Variants in CMTM8 observed in about 807,000 individuals in gnomAD.
CMTM8 encodes the protein CKLF like MARVEL transmembrane domain containing 8.
CMTM8 carries 12 observed loss-of-function variants against 18.6 expected under a neutral mutation model. That is an observed-to-expected ratio of 0.65 (90% CI 0.41 to 1.05). The LOEUF is 1.05. Among genes scored for constraint, CMTM8 ranks in the 50% least tolerant of loss-of-function variants. The pLI is 0.00. For synonymous variants in CMTM8, 87 were observed against 90.6 expected (o/e 0.96, Z 0.23); for missense variants, 217 against 227.2 (o/e 0.95, Z 0.29).
chr3:32,247,049 C>T (rs901473360), intron 1 of CMTM8, among the ~76,000 whole-genome samples: 1 of 151,876 alleles, frequency 6.6e-6, no homozygotes, highest in Non-Finnish European at 1.5e-5. Flanking sequence ...TGCAGTGAGC[C>T]GAGATTGCAC....
intron 1 of CMTM8, among the ~76,000 whole-genome samples, chr3:32,283,411 A>C (rs1210527923): frequency 6.6e-6 from 1 of 152,186 alleles, no homozygotes; most frequent in Non-Finnish European, 1.5e-5. Flanking sequence ...AGCGCTTGCT[A>C]TCTGGCTTCT....
intron 1 of CMTM8, among the ~76,000 whole-genome samples, chr3:32,281,637 TC>T (rs1702612371): frequency 6.6e-6 from 1 of 152,106 alleles, no homozygotes; most frequent in South Asian, 2.1e-4. Flanking sequence ...GAATGAGTTG[TC>T]TTTATTTCCT....
chr3:32,261,330 C>T (rs1021186422), intron 1 of CMTM8, among the ~76,000 whole-genome samples: 1 of 151,922 alleles, frequency 6.6e-6, no homozygotes, highest in Non-Finnish European at 1.5e-5. Flanking sequence ...TAAATAGCAC[C>T]TTTCTATGTT....
intron 1 of CMTM8, among the ~76,000 whole-genome samples, chr3:32,281,769 A>G (rs1228124427): frequency 2.0e-5 from 3 of 152,166 alleles, no homozygotes; most frequent in Non-Finnish European, 2.9e-5. Flanking sequence ...CAAATGGTCA[A>G]CTTTCAGTGC....
At chr3:32,298,798 A>AATATAT (rs139764907) in intron 1 of CMTM8, among the ~76,000 whole-genome samples, 3,792 of 136,154 alleles carry the variant, frequency 0.028, 84 homozygotes, top group Middle Eastern at 0.072. Context: ...ACACCCAGCT[A>AATATAT]ATATATATAT....
At chr3:32,331,697 A>T (rs938028423) in intron 1 of CMTM8, among the ~76,000 whole-genome samples, 12 of 152,256 alleles carry the variant, frequency 7.9e-5, no homozygotes, top group African/African-American at 1.9e-4. Context: ...ATGGAGAATT[A>T]TTCAGCCTAA....
At chr3:32,254,013 C>G (rs1365762009) in intron 1 of CMTM8, among the ~76,000 whole-genome samples, 1 of 152,176 alleles carries the variant, frequency 6.6e-6, no homozygotes, top group Non-Finnish European at 1.5e-5. Flanking sequence ...CCTGCCTCAG[C>G]CTCCCAAGTA....
At chr3:32,339,279 C>T (rs184730652) in intron 1 of CMTM8, among the ~76,000 whole-genome samples, 3 of 152,286 alleles carry the variant, frequency 2.0e-5, no homozygotes, top group East Asian at 1.9e-4. Flanking sequence ...GATCGTAGAA[C>T]GTGAGACTAA....
chr3:32,281,690 A>G (rs953959135), intron 1 of CMTM8, among the ~76,000 whole-genome samples: 1 of 151,984 alleles, frequency 6.6e-6, no homozygotes, highest in Non-Finnish European at 1.5e-5. Flanking sequence ...ACCCTCTCCA[A>G]TCAGCCTTGT....
rs542092550 is a variant in CMTM8, at chr3:32,328,147, C to T, written c.148-29226C>T. On this transcript the variant is annotated intron_variant, in intron 1 of 3. Transcript: ENST00000307526. The stretch of plus-strand genomic sequence containing the variant: ...CCCAGCACTTTGGGAGCCCAAGGCA[C>T]GTGGATCACTTGAGGCAGGGTTTGC... 5.9e-5 allele frequency among the ~76,000 whole-genome samples: 9 copies of T among 152,136 alleles called. No individual in the cohort carries two copies. In the East Asian group the frequency reaches 1.2e-3, roughly 20 times the overall value.
chr3:32,314,617 T>C (rs979643301), intron 1 of CMTM8, among the ~76,000 whole-genome samples: 1 of 152,028 alleles, frequency 6.6e-6, no homozygotes, highest in Non-Finnish European at 1.5e-5. Context: ...GTAGCTAGGA[T>C]TACAGGCGCA....
At chr3:32,283,544 GA>G (rs1702636028) in intron 1 of CMTM8, among the ~76,000 whole-genome samples, 1 of 152,204 alleles carries the variant, frequency 6.6e-6, no homozygotes, top group African/African-American at 2.4e-5. Context: ...ACAGTTTACT[GA>G]GGTGCCATTG....
chr3:32,276,031 C>T (rs1437052048), intron 1 of CMTM8, among the ~76,000 whole-genome samples: 2 of 152,174 alleles, frequency 1.3e-5, no homozygotes, highest in Non-Finnish European at 2.9e-5. Context: ...TGCTGTCATC[C>T]ATCTCTGGTG....
At chr3:32,341,524 G>GA (rs1696493289) in intron 1 of CMTM8, among the ~76,000 whole-genome samples, 1 of 152,166 alleles carries the variant, frequency 6.6e-6, no homozygotes, top group African/African-American at 2.4e-5. Flanking sequence ...TATTGATGAA[G>GA]AAACTGAGGC....
At chr3:32,285,419 A>G (rs1702664467) in intron 1 of CMTM8, among the ~76,000 whole-genome samples, 1 of 151,986 alleles carries the variant, frequency 6.6e-6, no homozygotes, top group Non-Finnish European at 1.5e-5. Flanking sequence ...GAAGGCTGAC[A>G]CATGAAAATT....
At chr3:32,298,080 G>C (rs1695511024) in intron 1 of CMTM8, among the ~76,000 whole-genome samples, 1 of 150,334 alleles carries the variant, frequency 6.7e-6, no homozygotes. Context: ...TTTTTGGTTG[G>C]GGGTGGGGGG....
At position 32,358,550 on chromosome 3, in the gene CMTM8, G is replaced by A. The variant is rs2125600002; in HGVS notation, c.321+1004G>A. ...GAAATATAGTCTATTTGTGGTTATA[G>A]ACTAAGTTAAGTTGGCACACTTTCA... On this transcript the variant is annotated intron_variant, in intron 2 of 3. Coordinates refer to ENST00000307526, the MANE Select transcript of CMTM8 (RefSeq NM_178868.5). The surrounding 1 kb of genome is among the most constrained non-coding windows in gnomAD (Gnocchi z 4.1). Among the ~76,000 whole-genome samples, 1 of 152,262 alleles carries A rather than the reference G, an allele frequency of 6.6e-6. No individual in the cohort carries two copies. The highest frequency in any genetic ancestry group is 2.4e-5 in the African/African-American group (1 of 41,560).
chr3:32,334,982 G>A (rs999307388), intron 1 of CMTM8, among the ~76,000 whole-genome samples: 12 of 152,214 alleles, frequency 7.9e-5, no homozygotes, highest in African/African-American at 2.9e-4. Flanking sequence ...TCTTGGTGAG[G>A]GAGGGAGGAA....
intron 1 of CMTM8, among the ~76,000 whole-genome samples, chr3:32,331,027 A>G (rs1282725501): frequency 1.3e-5 from 2 of 152,164 alleles, no homozygotes; most frequent in Non-Finnish European, 2.9e-5. Context: ...AAAGGAAACA[A>G]TCATTACAGA....
Sources: gnomAD v4.1 joint callset for allele counts (sites outside exome capture counted in the v4.1 genomes callset) on GRCh38, gnomAD v4.1.1 for gene constraint, Gnocchi (gnomAD v3.1) non-coding constraint, MANE v1.5 for transcripts, NCBI Gene and HGNC (gene_info 2026-07-23, HGNC 2026-07-21) for gene names.